The following DNAH8 variants were observed in gnomAD, a reference collection of about 807,000 sequenced individuals.
The protein encoded by DNAH8 is dynein axonemal heavy chain 8.
In DNAH8, 382 loss-of-function variants were observed where a neutral mutation model predicts 562.1. The ratio of observed to expected loss-of-function variants is 0.68; its 90% CI spans 0.63 to 0.74. The LOEUF (loss-of-function observed/expected upper bound fraction) is 0.74, where lower values mean the gene tolerates loss of function less well. DNAH8 is among the 30% of genes least tolerant of loss of function. The pLI is 0.00. For synonymous variants in DNAH8, 1,881 were observed against 1,919.4 expected, an observed-to-expected ratio of 0.98 and a Z score of 0.52; for missense variants, 5,203 against 5,620.4, an observed-to-expected ratio of 0.93 and a Z score of 2.37.
Position 38,718,018 on chromosome 6 carries a change from C to T in DNAH8, c.-35+2603C>T, listed in dbSNP as rs1032923613. Among the ~76,000 whole-genome samples the T allele has an allele frequency of 9.9e-5, 15 of 152,082 alleles. No homozygotes were observed. In the South Asian group the frequency reaches 1.0e-3, roughly 11 times the overall value. ...GCAATGTGTCTTGCTTTTTATGTAACGATGTGTCTTGGAGAGTTTTACATA... is the reference window on the plus strand; with the variant it reads ...GCAATGTGTCTTGCTTTTTATGTAATGATGTGTCTTGGAGAGTTTTACATA... On this transcript the variant is annotated intron_variant, in intron 1 of 92. Coordinates refer to ENST00000327475, the MANE Select transcript of DNAH8 (RefSeq NM_001206927.2).
At chr6:38,862,555 A>G in intron 44 of DNAH8, 97 bp downstream of exon 44, 2 of 1,372,124 alleles carry the variant, frequency 1.5e-6, no homozygotes, top group Non-Finnish European at 2.0e-6. Context: ...GTGATCTCAT[A>G]TAATCTACAT....
chr6:38,889,559 T>C (rs1390549454), intron 57 of DNAH8, among the ~76,000 whole-genome samples: 1 of 152,196 alleles, frequency 6.6e-6, no homozygotes, highest in African/African-American at 2.4e-5. Context: ...CTGACACATT[T>C]AAACAAATAC....
chr6:38,976,965 C>A (rs961810531), intron 85 of DNAH8, among the ~76,000 whole-genome samples: 5 of 152,208 alleles, frequency 3.3e-5, no homozygotes, highest in Non-Finnish European at 7.3e-5. Flanking sequence ...ATAGCCAACT[C>A]CCTGCCTGCT....
chr6:38,758,959 A>G (rs1582924527), intron 10 of DNAH8, among the ~76,000 whole-genome samples: 1 of 152,116 alleles, frequency 6.6e-6, no homozygotes, highest in Non-Finnish European at 1.5e-5. Flanking sequence ...TTTTGCATCC[A>G]TGTTCATCAG....
At chr6:38,940,348 G>A (rs1387099722) in intron 79 of DNAH8, among the ~76,000 whole-genome samples, 1 of 152,194 alleles carries the variant, frequency 6.6e-6, no homozygotes, top group Non-Finnish European at 1.5e-5. Flanking sequence ...GGCCTATGCA[G>A]AGATTTCTGG....
At chr6:38,801,950 A>ATT (rs35093441) in intron 21 of DNAH8, among the ~76,000 whole-genome samples, 66 of 149,140 alleles carry the variant, frequency 4.4e-4, no homozygotes, top group African/African-American at 1.1e-3. Context: ...TCCTATGTAC[A>ATT]TTTTTTTTTT....
At chr6:38,802,614 C>T (rs1770883970) in intron 21 of DNAH8, among the ~76,000 whole-genome samples, 1 of 152,144 alleles carries the variant, frequency 6.6e-6, no homozygotes, top group South Asian at 2.1e-4. Context: ...TACTGTGTGA[C>T]CTGGGAAAAT....
chr6:38,819,312 G>A (rs2150329137), intron 26 of DNAH8, among the ~76,000 whole-genome samples: 1 of 152,332 alleles, frequency 6.6e-6, no homozygotes, highest in South Asian at 2.1e-4. Flanking sequence ...CTGGGGGTAA[G>A]GGCAGGGAAT....
At chr6:39,022,529 C>T (rs1766991870) in intron 91 of DNAH8, among the ~76,000 whole-genome samples, 1 of 152,250 alleles carries the variant, frequency 6.6e-6, no homozygotes, top group Non-Finnish European at 1.5e-5. Context: ...CTGCTACCAT[C>T]CTCCCCTTCC....
intron 62 of DNAH8, among the ~76,000 whole-genome samples, chr6:38,902,508 A>G (rs1056399879): frequency 2.0e-5 from 3 of 152,138 alleles, no homozygotes; most frequent in Admixed American, 6.5e-5. Context: ...TGGAAACCAC[A>G]ATAAAGACTC....
chr6:38,950,675 G>A (rs1215628808), intron 81 of DNAH8, among the ~76,000 whole-genome samples: 8 of 152,086 alleles, frequency 5.3e-5, no homozygotes, highest in African/African-American at 9.7e-5. Flanking sequence ...TCCTAACCTC[G>A]TGATCTGCCA....
chr6:38,998,592 T>G (rs2150746552), intron 88 of DNAH8, among the ~76,000 whole-genome samples: 1 of 152,364 alleles, frequency 6.6e-6, no homozygotes, highest in South Asian at 2.1e-4. Flanking sequence ...CTCATTGATA[T>G]TTCATGTGCA....
chr6:38,748,438 T>C (rs1377012820), intron 8 of DNAH8, among the ~76,000 whole-genome samples: 1 of 152,188 alleles, frequency 6.6e-6, no homozygotes, highest in South Asian at 2.1e-4. Context: ...TGGATGGGTT[T>C]GTTGACAAAC....
chr6:38,991,707 G>A lies in DNAH8; in HGVS notation c.13214+1535G>A, dbSNP rs538492800. On this transcript the variant is annotated intron_variant, in intron 88 of 92. Transcript: ENST00000327475. ...TGCCCACTCAGCTCCTGTTACTCAG[G>A]CCAGACAGCTTCCTGTTACTCAGAC... is the stretch of plus-strand genomic sequence containing the variant. 1.5e-4 allele frequency among the ~76,000 whole-genome samples: 23 copies of A among 152,210 alleles called. No individual in the cohort carries two copies. In the East Asian group the frequency reaches 2.7e-3, roughly 18 times the overall value.
chr6:38,782,771 T>G (rs969127875), intron 16 of DNAH8, among the ~76,000 whole-genome samples: 2 of 151,582 alleles, frequency 1.3e-5, no homozygotes, highest in African/African-American at 4.9e-5. Flanking sequence ...TGGAGGCCTC[T>G]CTCTTTCTAA....
At chr6:38,965,912 G>A (rs1199194220) in intron 82 of DNAH8, among the ~76,000 whole-genome samples, 1 of 151,984 alleles carries the variant, frequency 6.6e-6, no homozygotes, top group East Asian at 1.9e-4. Flanking sequence ...ATTAAATGAA[G>A]AAAGATTACA....
chr6:38,822,917 G>C lies in DNAH8; in HGVS notation c.3603G>C (p.Lys1201Asn). The C allele has an allele frequency of 1.2e-6, 2 of 1,613,466 alleles. No homozygotes were observed. The highest frequency in any genetic ancestry group is 8.5e-7 in the Non-Finnish European group (1 of 1,179,822). Residue 1201 changes from lysine to asparagine, a missense_variant, in exon 27 of 93, where the codon AAG (lysine) becomes AAC (asparagine). Transcript: ENST00000327475. ...PGVAEHKDIS[K>N]LVLLLSSSVN... ...TAGCGGAGCACAAGGATATTTCTAA[G>C]TTGGTCCTGCTCCTTTCTTCCTCTG...
chr6:39,029,267 C>T (rs1004818198), intron 92 of DNAH8, among the ~76,000 whole-genome samples: 5 of 152,026 alleles, frequency 3.3e-5, no homozygotes, highest in African/African-American at 1.2e-4. Context: ...GTGATGCCTA[C>T]GCTCTCTCCT....
chr6:38,874,971 T>G (rs944631978), intron 52 of DNAH8, among the ~76,000 whole-genome samples: 1 of 152,250 alleles, frequency 6.6e-6, no homozygotes, highest in Admixed American at 6.5e-5. Context: ...GTCTTTCTGA[T>G]GCTATAGGGC....
Sources: gnomAD v4.1 joint callset for allele counts (sites outside exome capture counted in the v4.1 genomes callset) on GRCh38, gnomAD v4.1.1 for gene constraint, MANE v1.5 for transcripts, NCBI Gene and HGNC (gene_info 2026-07-23, HGNC 2026-07-21) for gene names.